CCSER1: variants seen among roughly 807,000 people sequenced by gnomAD.
CCSER1 encodes coiled-coil serine rich protein 1, also known as serine-rich coiled-coil domain-containing protein 1.
A neutral mutation model predicts 82.0 loss-of-function variants in CCSER1; 41 were observed. That is an observed-to-expected ratio of 0.50 (90% confidence interval 0.39 to 0.65). The LOEUF (loss-of-function observed/expected upper bound fraction) is 0.65, where lower values mean the gene tolerates loss of function less well. Among genes scored for constraint, CCSER1 ranks in the 30% least tolerant of loss-of-function variants. The pLI, the probability that CCSER1 is intolerant of heterozygous loss-of-function variation, is 0.00. For missense variants in CCSER1, 1,119 were observed against 1,064.2 expected (o/e 1.05, Z -0.72); for synonymous variants, 414 against 383.9 (o/e 1.08, Z -0.92).
At chr4:91,241,915 A>G (rs1209043614) in intron 10 of CCSER1, among the ~76,000 whole-genome samples, 1 of 152,124 alleles carries the variant, frequency 6.6e-6, no homozygotes, top group Non-Finnish European at 1.5e-5. Flanking sequence ...AAAAACCCTA[A>G]TATCTCTATA....
intron 1 of CCSER1, among the ~76,000 whole-genome samples, chr4:90,167,418 G>A (rs953965970): frequency 9.9e-5 from 15 of 151,980 alleles, no homozygotes; most frequent in Admixed American, 2.6e-4. Flanking sequence ...ACACTCATAC[G>A]TAGTCATTAA....
At chr4:91,385,813 C>G (rs1417348955) in intron 10 of CCSER1, among the ~76,000 whole-genome samples, 5 of 151,622 alleles carry the variant, frequency 3.3e-5, no homozygotes, top group Admixed American at 1.3e-4. Context: ...AAGGGAGATA[C>G]AAATGTAGAA....
intron 5 of CCSER1, among the ~76,000 whole-genome samples, chr4:90,484,127 C>A (rs538924149): frequency 1.4e-4 from 21 of 152,314 alleles, no homozygotes; most frequent in African/African-American, 5.1e-4. Context: ...TTCATTTCAT[C>A]TTCCATCACT....
At chr4:90,959,013 C>G (rs892516910) in intron 9 of CCSER1, among the ~76,000 whole-genome samples, 4 of 151,978 alleles carry the variant, frequency 2.6e-5, no homozygotes, top group African/African-American at 4.8e-5. Context: ...AATTAGGTTA[C>G]CAGTAACACG....
chr4:90,886,924 G>A (rs1722207459), intron 8 of CCSER1, among the ~76,000 whole-genome samples: 1 of 152,126 alleles, frequency 6.6e-6, no homozygotes, highest in East Asian at 1.9e-4. Flanking sequence ...CTGTTTTTCA[G>A]TATCCAACAA....
Position 90,400,129 on chromosome 4 carries a change from G to C in CCSER1, c.1603G>C (p.Val535Leu). 6.5e-7 allele frequency: 1 copy of C among 1,548,178 alleles called. No homozygotes were observed. Among genetic ancestry groups the C allele is most frequent in the Non-Finnish European group, 8.9e-7 (1 of 1,122,060 alleles). Residue 535 changes from valine to leucine, a missense_variant and splice_region_variant, in exon 4 of 11, where the codon GTT becomes CTT. Physicochemically the swap from Val to Leu is conservative, Grantham distance 32 (BLOSUM62 1). Coordinates refer to ENST00000509176, the MANE Select transcript of CCSER1 (RefSeq NM_001145065.2). ...AGAGGAACAGAGTCTTCACCCTTCT[G>C]GTAAGTGTTAAAGAGATGAATAATA... Reference protein sequence around the residue: ...FLEEQSLHPSVCREDSYHSVV... With the variant: ...FLEEQSLHPSLCREDSYHSVV...
chr4:90,609,242 A>G (rs1445744096), intron 5 of CCSER1, among the ~76,000 whole-genome samples: 1 of 152,074 alleles, frequency 6.6e-6, no homozygotes, highest in African/African-American at 2.4e-5. Flanking sequence ...TGATCATGTC[A>G]TTTTCTTCAG....
chr4:90,805,004 C>A (rs1301399249), intron 7 of CCSER1, among the ~76,000 whole-genome samples: 1 of 152,038 alleles, frequency 6.6e-6, no homozygotes. Context: ...AATTAAATCA[C>A]AAAATATTTA....
Position 91,289,573 on chromosome 4 carries a change from C to A in CCSER1, c.2217+203579C>A, listed in dbSNP as rs540549473. On this transcript the variant is annotated intron_variant, in intron 10 of 10. Coordinates refer to ENST00000509176, the MANE Select transcript of CCSER1 (RefSeq NM_001145065.2). ...AGCTCAGTAACAGAGATGAGGAATG[C>A]CTGTGATGGTCTCATCTGTAAACTC... is the stretch of plus-strand genomic sequence containing the variant. 4.1e-4 allele frequency among the ~76,000 whole-genome samples: 63 copies of A among 151,988 alleles called. No individual in the cohort carries two copies. In the South Asian group the frequency reaches 0.013, roughly 31 times the overall value.
intron 10 of CCSER1, among the ~76,000 whole-genome samples, chr4:91,250,572 A>C (rs573868643): frequency 6.6e-6 from 1 of 151,570 alleles, no homozygotes; most frequent in African/African-American, 2.4e-5. Flanking sequence ...CAAATTAAAA[A>C]ATATATATAT....
chr4:91,307,860 G>A (rs756190728), intron 10 of CCSER1, among the ~76,000 whole-genome samples: 9 of 151,952 alleles, frequency 5.9e-5, no homozygotes, highest in East Asian at 2.0e-4. Flanking sequence ...ATTTATACCC[G>A]TTTTAATGGG....
At chr4:91,158,696 C>A (rs1341114670) in intron 10 of CCSER1, among the ~76,000 whole-genome samples, 1 of 151,842 alleles carries the variant, frequency 6.6e-6, no homozygotes, top group Non-Finnish European at 1.5e-5. Flanking sequence ...CATGCACGCA[C>A]ACACACACGG....
intron 4 of CCSER1, among the ~76,000 whole-genome samples, chr4:90,461,001 C>G (rs1762828932): frequency 6.7e-6 from 1 of 150,230 alleles, no homozygotes; most frequent in South Asian, 2.1e-4. Context: ...TTCAATAGTG[C>G]TGTCAGTGGT....
intron 1 of CCSER1, among the ~76,000 whole-genome samples, chr4:90,157,435 G>A (rs1020651093): frequency 5.2e-5 from 7 of 134,980 alleles, no homozygotes; most frequent in Admixed American, 1.4e-4. Context: ...TGCTAGATTG[G>A]GGAAGTTCTC....
rs565102521 is a variant in CCSER1 at position 91,137,309 on chromosome 4, A to G, written c.2217+51315A>G. On this transcript the variant is annotated intron_variant, in intron 10 of 10. Coordinates refer to ENST00000509176, the MANE Select transcript of CCSER1 (RefSeq NM_001145065.2). ...AGTTTACTGAGAATGATGATTTCCA[A>G]TTTCATCCATGTCCCTACAAAGGAC... Among the ~76,000 whole-genome samples the G allele has an allele frequency of 6.3e-5, 5 of 78,794 alleles. No homozygotes were observed. The South Asian group carries it at 1.7e-3, about 28-fold the overall frequency. 51.7% of individuals were successfully genotyped at this position (78,794 alleles called of 152,430 possible). A position where few individuals can be genotyped will look rare whatever the true frequency, so the allele number is the denominator to read the frequency against.
At chr4:90,945,981 A>G (rs530490696) in intron 9 of CCSER1, among the ~76,000 whole-genome samples, 8 of 152,358 alleles carry the variant, frequency 5.3e-5, no homozygotes, top group South Asian at 2.1e-4. Context: ...TCACAATTAC[A>G]TGACTAGTAT....
intron 1 of CCSER1, among the ~76,000 whole-genome samples, chr4:90,249,086 G>C (rs1233522009): frequency 2.1e-5 from 3 of 142,664 alleles, no homozygotes; most frequent in Non-Finnish European, 4.6e-5. Context: ...AAAATCATTT[G>C]TGGCAAAGAC....
chr4:90,344,856 A>G (rs1221132730), intron 3 of CCSER1, among the ~76,000 whole-genome samples: 1 of 152,140 alleles, frequency 6.6e-6, no homozygotes, highest in African/African-American at 2.4e-5. Context: ...AAAAGAGAAC[A>G]TATGTATATT....
intron 1 of CCSER1, among the ~76,000 whole-genome samples, chr4:90,133,880 G>A (rs969886655): frequency 6.6e-6 from 1 of 152,178 alleles, no homozygotes; most frequent in Non-Finnish European, 1.5e-5. Flanking sequence ...GTGCCTAAAA[G>A]AATATATGAA....
Sources: allele counts gnomAD v4.1 joint callset (sites outside exome capture counted in the v4.1 genomes callset), GRCh38; gene constraint gnomAD v4.1.1; transcripts MANE v1.5; gene names NCBI Gene and HGNC (gene_info 2026-07-23, HGNC 2026-07-21).